Variants in TOMM34 observed in about 807,000 individuals in gnomAD.
The protein encoded by TOMM34 is translocase of outer mitochondrial membrane 34.
In TOMM34, 24 loss-of-function variants were observed where a neutral mutation model predicts 37.4. The observed-to-expected ratio is 0.64, with a 90% CI of 0.46 to 0.90. The LOEUF (loss-of-function observed/expected upper bound fraction) is 0.90, where lower values mean the gene tolerates loss of function less well. Ranked by LOEUF, TOMM34 falls within the 40% of genes least tolerant of loss-of-function variation. The pLI is 0.00. For missense variants in TOMM34, 304 were observed against 375.6 expected, an observed-to-expected ratio of 0.81 and a Z score of 1.58; for synonymous variants, 154 against 148.9, an observed-to-expected ratio of 1.03 and a Z score of -0.25.
intron 2 of TOMM34, among the ~76,000 whole-genome samples, chr20:44,955,854 T>C (rs894631438): frequency 1.3e-5 from 2 of 152,156 alleles, no homozygotes; most frequent in African/African-American, 2.4e-5. Context: ...TGAGAACACA[T>C]TTCAGGTAAA....
intron 4 of TOMM34, among the ~76,000 whole-genome samples, chr20:44,949,518 T>C (rs2067008919): frequency 6.6e-6 from 1 of 152,196 alleles, no homozygotes; most frequent in Non-Finnish European, 1.5e-5. Context: ...AGAGGGAACA[T>C]GGTGAAATCC....
chr20:44,955,710 CAA>C (rs989337031), intron 2 of TOMM34: 58 of 444,980 alleles, frequency 1.3e-4, no homozygotes, highest in African/African-American at 1.1e-3. Flanking sequence ...TGTGAACACT[CAA>C]AGAGGGAAAT....
In TOMM34 at chr20:44,943,047, C is replaced by T; in HGVS notation, c.*62G>A. 2 of 1,531,430 alleles carry T rather than the reference C, an allele frequency of 1.3e-6. No individual in the cohort carries two copies. The highest frequency in any genetic ancestry group is 1.1e-5 in the South Asian group (1 of 89,058). 94.9% of individuals were successfully genotyped at this position (1,531,430 alleles called of 1,614,324 possible). On this transcript the variant is annotated 3_prime_UTR_variant, in exon 7 of 7. Coordinates refer to ENST00000372813, the MANE Select transcript of TOMM34 (RefSeq NM_006809.5). ...CTGGGTTTCAGGAGCGGGCACAGAG[C>T]AGGTGGCCCATGGCTTCTCTGGGTA...
At chr20:44,945,714 T>C (rs1387515912) in intron 5 of TOMM34, among the ~76,000 whole-genome samples, 1 of 152,208 alleles carries the variant, frequency 6.6e-6, no homozygotes, top group Non-Finnish European at 1.5e-5. Context: ...CCAGCTACCA[T>C]CTTGCTGACC....
rs2067059773 is a variant in TOMM34 at position 44,955,097 on chromosome 20, A to G, written c.351T>C (p.Asn117=). The G allele has an allele frequency of 1.2e-6, 2 of 1,614,050 alleles. No homozygotes were observed. The highest frequency in any genetic ancestry group is 1.1e-5 in the South Asian group (1 of 91,096). The change falls in exon 3 of 7, where the codon AAT becomes AAC. Residue 117 remains asparagine (N), a synonymous_variant. Transcript: ENST00000372813. ...DYKTVLQIDD[N]VTSAVEGINR... The stretch of plus-strand genomic sequence containing the variant: ...TGATGCCTTCTACGGCTGACGTCAC[A>G]TTATCATCAATCTGCAGCACAGTCT...
In TOMM34 at chr20:44,942,169, A is replaced by C. The variant is rs1301410275; in HGVS notation, c.*940T>G. 6.6e-6 allele frequency: 1 copy of C among 152,276 alleles called. No homozygotes were observed. Among genetic ancestry groups the C allele is most frequent in the Non-Finnish European group, 1.5e-5 (1 of 68,052 alleles). 9.4% of individuals were successfully genotyped at this position (152,276 alleles called of 1,614,324 possible). A position where few individuals can be genotyped will look rare whatever the true frequency, so the allele number is the denominator to read the frequency against. ...GCAATAACTTTTATTATTACTACAG[A>C]GTTCCAGGTGCAAAGCTGAAAAGGC... is the stretch of plus-strand genomic sequence containing the variant. On this transcript the variant is annotated 3_prime_UTR_variant, in exon 7 of 7. Transcript: ENST00000372813.
intron 4 of TOMM34, among the ~76,000 whole-genome samples, chr20:44,951,310 C>T (rs2067024080): frequency 6.6e-6 from 1 of 152,080 alleles, no homozygotes; most frequent in Non-Finnish European, 1.5e-5. Context: ...TATTTTGCTA[C>T]TAGGAGGGAA....
In TOMM34 at chr20:44,954,952, G is replaced by A. The variant is rs1568663812; in HGVS notation, c.380+116C>T. ...AGCTTCCCCTACATGCCCATCGGGA[G>A]TTTTTTAAGTGTAGCCAAAGGGATC... On this transcript the variant is annotated intron_variant, in intron 3 of 6. Transcript: ENST00000372813. 55 of 1,355,222 alleles carry A rather than the reference G, an allele frequency of 4.1e-5. 2 individuals carry two copies. The South Asian group carries it at 7.9e-4, about 19-fold the overall frequency. The allele number at this position is 1,355,222 out of a possible 1,614,324, so 83.9% of individuals were successfully genotyped here.
intron 1 of TOMM34, chr20:44,958,467 A>C: frequency 2.2e-6 from 1 of 463,164 alleles, no homozygotes. Context: ...TGCGGTGGAA[A>C]GGGCATCAAC....
chr20:44,943,829 C>T lies in TOMM34; in HGVS notation c.699-250G>A, dbSNP rs182988043. Among the ~76,000 whole-genome samples the T allele has an allele frequency of 3.9e-5, 6 of 152,252 alleles. No individual in the cohort carries two copies. In the East Asian group the frequency reaches 5.8e-4, roughly 15 times the overall value. ...CAGACCCAGGATTCAAATAGGCGGG[C>T]GTTCGTTCATGGGACTCCAGATCCT... On this transcript the variant is annotated intron_variant, in intron 5 of 6. Transcript: ENST00000372813.
chr20:44,943,025 G>A lies in TOMM34; in HGVS notation c.*84C>T. On this transcript the variant is annotated 3_prime_UTR_variant, in exon 7 of 7. Coordinates refer to ENST00000372813, the MANE Select transcript of TOMM34 (RefSeq NM_006809.5). ...TTCAGAGCTCACTTGGGGCATGCTGGGTTTCAGGAGCGGGCACAGAGCAGG... is the reference window on the plus strand; with the variant it reads ...TTCAGAGCTCACTTGGGGCATGCTGAGTTTCAGGAGCGGGCACAGAGCAGG... 4 of 1,350,584 alleles carry A rather than the reference G, an allele frequency of 3.0e-6. No individual in the cohort carries two copies. In the South Asian group the frequency reaches 3.6e-5, roughly 12 times the overall value. 83.7% of individuals were successfully genotyped at this position (1,350,584 alleles called of 1,614,324 possible).
intron 4 of TOMM34, among the ~76,000 whole-genome samples, chr20:44,951,220 A>G (rs745589211): frequency 2.0e-5 from 3 of 152,170 alleles, no homozygotes; most frequent in Non-Finnish European, 4.4e-5. Flanking sequence ...ATCTTTTCCT[A>G]GTGAGCTATC....
rs757941877 is a variant in TOMM34, at chr20:44,956,385, C to T, written c.227+1G>A. 3.7e-6 allele frequency: 6 copies of T among 1,613,998 alleles called. No homozygotes were observed. The highest frequency in any genetic ancestry group is 5.1e-6 in the Non-Finnish European group (6 of 1,179,918). On this transcript the variant is annotated splice_donor_variant, in intron 2 of 6. Coordinates refer to ENST00000372813, the MANE Select transcript of TOMM34 (RefSeq NM_006809.5). LOFTEE classifies it high-confidence loss of function. ...TCCCAAAATTACCCTTGGCCACTTA[C>T]GAAGTGCAATCTTTGATGCAGTCTC...
chr20:44,952,073 C>T, intron 3 of TOMM34, 71 bp from the exon 4 acceptor site: 4 of 1,524,736 alleles, frequency 2.6e-6, no homozygotes, highest in Non-Finnish European at 3.5e-6. Context: ...TTCACACACC[C>T]ATGGGAGGTA....
chr20:44,944,414 AT>A, intron 5 of TOMM34, among the ~76,000 whole-genome samples: 1 of 152,360 alleles, frequency 6.6e-6, no homozygotes, highest in East Asian at 1.9e-4. Flanking sequence ...GGTGCAGGGT[AT>A]TCACTAAGTT....
At chr20:44,958,789 A>G (rs1225781882) in intron 1 of TOMM34, 1 of 153,206 alleles carries the variant, frequency 6.5e-6, no homozygotes, top group African/African-American at 2.4e-5. Context: ...GATGAATGAA[A>G]ATGGCAGCAA....
rs1439302633 is a variant in TOMM34, at chr20:44,953,322, T to A, written c.381-1320A>T. Among the ~76,000 whole-genome samples the A allele has an allele frequency of 2.6e-5, 4 of 152,200 alleles. No homozygotes were observed. The East Asian group carries it at 7.7e-4, about 29-fold the overall frequency. ...TCCATCAGAGCCACCGGTGACTTCA[T>A]TGCCAAACCTTTAATGTAAGCTCCT... On this transcript the variant is annotated intron_variant, in intron 3 of 6. Transcript: ENST00000372813.
chr20:44,953,411 A>T (rs2067043552), intron 3 of TOMM34, among the ~76,000 whole-genome samples: 1 of 152,166 alleles, frequency 6.6e-6, no homozygotes, highest in African/African-American at 2.4e-5. Context: ...TGGGACATCA[A>T]TGCCCTGTTT....
At chr20:44,946,715 G>A (rs2066983619) in intron 5 of TOMM34, among the ~76,000 whole-genome samples, 2 of 152,212 alleles carry the variant, frequency 1.3e-5, no homozygotes, top group African/African-American at 4.8e-5. Context: ...TCAGATGGGC[G>A]TACATGAGGT....
Sources: allele counts gnomAD v4.1 joint callset (sites outside exome capture counted in the v4.1 genomes callset), GRCh38; gene constraint gnomAD v4.1.1; transcripts MANE v1.5; gene names NCBI Gene and HGNC (gene_info 2026-07-23, HGNC 2026-07-21).